The following SUSD4 variants were observed in gnomAD, a reference collection of about 807,000 sequenced individuals.
SUSD4 encodes the protein sushi domain-containing protein 4.
SUSD4 carries 41 observed loss-of-function variants against 50.5 expected under a neutral mutation model. The ratio of observed to expected loss-of-function variants is 0.81; its 90% confidence interval spans 0.63 to 1.05. The LOEUF (loss-of-function observed/expected upper bound fraction) is 1.05. SUSD4 is among the 50% of genes least tolerant of loss of function. SUSD4 has a pLI of 0.00. For synonymous variants in SUSD4, 257 were observed against 257.3 expected, an observed-to-expected ratio of 1.00 and a Z score of 0.01; for missense variants, 580 against 634.7, an observed-to-expected ratio of 0.91 and a Z score of 0.93.
chr1:223,266,202 C>T (rs904030850), intron 4 of SUSD4, among the ~76,000 whole-genome samples: 4 of 152,114 alleles, frequency 2.6e-5, no homozygotes, highest in African/African-American at 9.7e-5. Flanking sequence ...ATGCACCATA[C>T]CCTAAAAGGT....
At chr1:223,333,205 C>A (rs825128) in intron 2 of SUSD4, among the ~76,000 whole-genome samples, 1 of 151,918 alleles carries the variant, frequency 6.6e-6, no homozygotes, top group African/African-American at 2.4e-5. Context: ...AGAGGCAGTG[C>A]CAGGAGCAGG....
intron 3 of SUSD4, among the ~76,000 whole-genome samples, chr1:223,276,282 ATGT>A (rs1204846361): frequency 4.6e-5 from 7 of 152,146 alleles, no homozygotes; most frequent in East Asian, 1.9e-4. Flanking sequence ...TGTGCTGATG[ATGT>A]TGTTGTTCTC....
At chr1:223,252,136 T>A (rs1017669291) in intron 5 of SUSD4, among the ~76,000 whole-genome samples, 1 of 145,822 alleles carries the variant, frequency 6.9e-6, no homozygotes, top group African/African-American at 2.6e-5. Flanking sequence ...AGTTAATGGG[T>A]GCAGCACACC....
In SUSD4 at chr1:223,362,881, T is replaced by C. The variant is rs1302152231; in HGVS notation, c.148+397A>G. 2.6e-5 allele frequency among the ~76,000 whole-genome samples: 4 copies of C among 152,010 alleles called. No homozygotes were observed. In the East Asian group the frequency reaches 7.7e-4, roughly 29 times the overall value. Reference sequence around the variant, plus strand: ...CAGAGGCTGAAATCTGACCTCTATCTGCTGAAGGCATTGGCAAGAGGTCCA... The same window carrying C: ...CAGAGGCTGAAATCTGACCTCTATCCGCTGAAGGCATTGGCAAGAGGTCCA... On this transcript the variant is annotated intron_variant, in intron 2 of 8. Coordinates refer to ENST00000366878, the MANE Select transcript of SUSD4 (RefSeq NM_017982.4).
At chr1:223,336,664 G>A (rs1470645420) in intron 2 of SUSD4, among the ~76,000 whole-genome samples, 1 of 152,082 alleles carries the variant, frequency 6.6e-6, no homozygotes, top group African/African-American at 2.4e-5. Flanking sequence ...CTTCATTTAT[G>A]CAGTAGTATC....
In SUSD4 at chr1:223,332,123, A is replaced by G. The variant is rs1667210512; in HGVS notation, c.148+31155T>C. Among the ~76,000 whole-genome samples, 1 of 152,170 alleles carries G rather than the reference A, an allele frequency of 6.6e-6. No individual in the cohort carries two copies. Among genetic ancestry groups the G allele is most frequent in the Non-Finnish European group, 1.5e-5 (1 of 68,024 alleles). On this transcript the variant is annotated intron_variant, in intron 2 of 8. Transcript: ENST00000366878. The surrounding 1 kb of genome is among the most constrained non-coding windows in gnomAD (Gnocchi z 4.0). ...CCCTATTCTCCAGTTGCTGATTTCT[A>G]GTCCTCTTGGGCAAATGCCAATTGC...
chr1:223,238,785 T>C (rs188907196), intron 5 of SUSD4, among the ~76,000 whole-genome samples: 8 of 152,136 alleles, frequency 5.3e-5, no homozygotes, highest in Non-Finnish European at 1.0e-4. Flanking sequence ...GTGTTCCATA[T>C]GGACTTAGAA....
intron 2 of SUSD4, among the ~76,000 whole-genome samples, chr1:223,341,921 G>T (rs1053553271): frequency 1.3e-5 from 2 of 152,076 alleles, no homozygotes; most frequent in Non-Finnish European, 2.9e-5. Flanking sequence ...AACTTCTCGG[G>T]GCCTCAGAGT....
chr1:223,290,290 T>C (rs1664404425), intron 3 of SUSD4, among the ~76,000 whole-genome samples: 1 of 152,118 alleles, frequency 6.6e-6, no homozygotes, highest in East Asian at 1.9e-4. Flanking sequence ...GTGACATCGG[T>C]GGTATAGACT....
At chr1:223,281,335 T>C (rs1440076581) in intron 3 of SUSD4, among the ~76,000 whole-genome samples, 2 of 152,160 alleles carry the variant, frequency 1.3e-5, no homozygotes, top group Non-Finnish European at 2.9e-5. Context: ...ATTCATAGAC[T>C]GCTAGCAAGA....
intron 5 of SUSD4, among the ~76,000 whole-genome samples, chr1:223,259,889 G>A (rs1661978813): frequency 6.6e-6 from 1 of 152,072 alleles, no homozygotes; most frequent in Non-Finnish European, 1.5e-5. Flanking sequence ...CACACACTAG[G>A]GCAGGCTGCG....
Position 223,310,046 on chromosome 1 carries a change from G to A in SUSD4, c.149-17395C>T, listed in dbSNP as rs1395417937. Among the ~76,000 whole-genome samples the A allele has an allele frequency of 2.0e-5, 3 of 152,236 alleles. No homozygotes were observed. In the East Asian group the frequency reaches 5.8e-4, roughly 29 times the overall value. On this transcript the variant is annotated intron_variant, in intron 2 of 8. Coordinates refer to ENST00000366878, the MANE Select transcript of SUSD4 (RefSeq NM_017982.4). ...GGCCCATTGGTGATAAGCTGGACCT[G>A]GACACTTTCAGGTGCAGGCCTGAAG...
At chr1:223,283,841 T>C (rs182855540) in intron 3 of SUSD4, among the ~76,000 whole-genome samples, 2 of 152,142 alleles carry the variant, frequency 1.3e-5, no homozygotes, top group Non-Finnish European at 2.9e-5. Context: ...CAAATGTCCA[T>C]TAATGATAGA....
chr1:223,252,213 T>G, intron 5 of SUSD4, among the ~76,000 whole-genome samples: 1 of 75,348 alleles, frequency 1.3e-5, no homozygotes, highest in African/African-American at 5.2e-5. Context: ...GAACTTAAAG[T>G]ATAATTAAAA....
At chr1:223,283,616 C>T (rs1021931462) in intron 3 of SUSD4, among the ~76,000 whole-genome samples, 1 of 152,214 alleles carries the variant, frequency 6.6e-6, no homozygotes, top group African/African-American at 2.4e-5. Flanking sequence ...AATAGGAACA[C>T]TTTTACACTG....
Position 223,229,422 on chromosome 1 carries a change from C to A in SUSD4, c.725-34G>T, listed in dbSNP as rs1390279653. The stretch of plus-strand genomic sequence containing the variant: ...GTAGGGGAGAATAAAAGTTTCAGAA[C>A]CACAAGCTCACCTTTGTCTGAAGCC... On this transcript the variant is annotated intron_variant, in intron 5 of 8. Coordinates refer to ENST00000366878, the MANE Select transcript of SUSD4 (RefSeq NM_017982.4). The surrounding 1 kb of genome is among the most constrained non-coding windows in gnomAD (Gnocchi z 4.7). 7 of 1,554,724 alleles carry A rather than the reference C, an allele frequency of 4.5e-6. No individual in the cohort carries two copies. Among genetic ancestry groups the A allele is most frequent in the Non-Finnish European group, 6.1e-6 (7 of 1,138,596 alleles).
At chr1:223,296,822 C>T (rs1664855418) in intron 2 of SUSD4, among the ~76,000 whole-genome samples, 1 of 152,158 alleles carries the variant, frequency 6.6e-6, no homozygotes, top group African/African-American at 2.4e-5. Flanking sequence ...CTTGCTGCCG[C>T]CATGTGAAGA....
At chr1:223,307,760 G>A (rs1038971585) in intron 2 of SUSD4, among the ~76,000 whole-genome samples, 5 of 152,198 alleles carry the variant, frequency 3.3e-5, no homozygotes, top group African/African-American at 7.2e-5. Flanking sequence ...CTGGTGACAG[G>A]TGAACCTCAG....
At chr1:223,338,243 A>G (rs1230288138) in intron 2 of SUSD4, among the ~76,000 whole-genome samples, 1 of 152,208 alleles carries the variant, frequency 6.6e-6, no homozygotes, top group Non-Finnish European at 1.5e-5. Context: ...ACTGAAAATA[A>G]TACAAGGGAC....
Sources: allele counts gnomAD v4.1 joint callset (sites outside exome capture counted in the v4.1 genomes callset), GRCh38; gene constraint gnomAD v4.1.1; non-coding constraint Gnocchi (gnomAD v3.1); transcripts MANE v1.5; gene names NCBI Gene and HGNC (gene_info 2026-07-23, HGNC 2026-07-21).